Variants in BCL7C observed in about 807,000 individuals in gnomAD.
BCL7C encodes B-cell CLL/lymphoma 7 protein family member C.
A neutral mutation model predicts 26.2 loss-of-function variants in BCL7C; 8 were observed. The observed-to-expected ratio is 0.30, with a 90% CI of 0.18 to 0.55. The LOEUF (loss-of-function observed/expected upper bound fraction) is 0.55, where lower values mean the gene tolerates loss of function less well. Ranked by LOEUF, BCL7C falls within the 20% of genes least tolerant of loss-of-function variation. The pLI is 0.93. For missense variants in BCL7C, 262 were observed against 298.5 expected, an observed-to-expected ratio of 0.88 and a Z score of 0.90; for synonymous variants, 90 against 116.5, an observed-to-expected ratio of 0.77 and a Z score of 1.47.
At chr16:30,870,775 G>A (rs1241215451) in intron 5 of BCL7C, among the ~76,000 whole-genome samples, 3 of 152,218 alleles carry the variant, frequency 2.0e-5, no homozygotes, top group Non-Finnish European at 4.4e-5. Context: ...CCACAGCCAA[G>A]CATCACCTCC....
At chr16:30,835,420 T>A (rs943706638) in intron 5 of BCL7C, among the ~76,000 whole-genome samples, 1 of 152,212 alleles carries the variant, frequency 6.6e-6, no homozygotes, top group Non-Finnish European at 1.5e-5. Flanking sequence ...GCAAGCTACA[T>A]AACTTCCTGT....
At chr16:30,873,042 T>C (rs2054894524) in intron 5 of BCL7C, among the ~76,000 whole-genome samples, 1 of 151,964 alleles carries the variant, frequency 6.6e-6, no homozygotes, top group Admixed American at 6.6e-5. Context: ...TTACTTAATC[T>C]TGTTCTTTAA....
intron 5 of BCL7C, among the ~76,000 whole-genome samples, chr16:30,837,754 G>C (rs772588940): frequency 1.3e-5 from 2 of 152,218 alleles, no homozygotes; most frequent in African/African-American, 2.4e-5. Flanking sequence ...GGGGGTGGTA[G>C]CAGGAACAGA....
At position 30,887,899 on chromosome 16, in the gene BCL7C, A is replaced by G; in HGVS notation, c.620T>C (p.Leu207Pro). The G allele has an allele frequency of 6.2e-7, 1 of 1,600,914 alleles. No homozygotes were observed. The highest frequency in any genetic ancestry group is 8.5e-7 in the Non-Finnish European group (1 of 1,174,518). Residue 207 changes from leucine to proline, a missense_variant, in exon 6 of 6, where the codon CTC (leucine) becomes CCC (proline). Coordinates refer to ENST00000215115, the MANE Select transcript of BCL7C (RefSeq NM_004765.4). Reference sequence around the variant, plus strand: ...AGGGGCATTTGGGCAGATGCGCTTGAGTGGGGGGGCACCCTCCGAGTCCTC... The same window carrying G: ...AGGGGCATTTGGGCAGATGCGCTTGGGTGGGGGGGCACCCTCCGAGTCCTC... ...DTEDSEGAPP[L>P]KRICPNAPDP
At chr16:30,891,168 CAA>C (rs147478982) in intron 4 of BCL7C, among the ~76,000 whole-genome samples, 9 of 84,640 alleles carry the variant, frequency 1.1e-4, no homozygotes, top group Admixed American at 1.4e-4. Context: ...GACTTCATCT[CAA>C]AAAAAAAAAA....
At chr16:30,885,473 G>A (rs11859498), downstream of BCL7C, among the ~76,000 whole-genome samples, 3,495 of 150,724 alleles carry the variant, frequency 0.023, 123 homozygotes, top group African/African-American at 0.081. Context: ...ATAGTGGTGC[G>A]ATCTCGGCTT....
intron 5 of BCL7C, chr16:30,835,285 A>G: frequency 1.3e-6 from 1 of 779,230 alleles, no homozygotes; most frequent in South Asian, 2.2e-5. Context: ...TAAGCTGGGT[A>G]TTTTTGAGAG....
chr16:30,865,019 T>C (rs902612969), intron 5 of BCL7C, among the ~76,000 whole-genome samples: 54 of 151,508 alleles, frequency 3.6e-4, no homozygotes, highest in African/African-American at 1.3e-3. Flanking sequence ...ATACAAAAAG[T>C]TAGCCAGGCG....
At chr16:30,873,718 G>T (rs1448241119) in intron 5 of BCL7C, among the ~76,000 whole-genome samples, 1 of 151,328 alleles carries the variant, frequency 6.6e-6, no homozygotes, top group Admixed American at 6.6e-5. Flanking sequence ...AGGCATGGTA[G>T]CAGCAGCCTG....
At chr16:30,854,153 T>C (rs974200729) in intron 5 of BCL7C, among the ~76,000 whole-genome samples, 3 of 152,160 alleles carry the variant, frequency 2.0e-5, no homozygotes, top group South Asian at 2.1e-4. Flanking sequence ...CCATGATCCA[T>C]TGGTTGAAAC....
chr16:30,887,266 G>A (rs559377132), downstream of BCL7C, among the ~76,000 whole-genome samples: 27 of 152,004 alleles, frequency 1.8e-4, no homozygotes, highest in Non-Finnish European at 5.9e-5. Context: ...GCGAGATTGC[G>A]CCATTGCACT....
rs1198384282 is a variant in BCL7C, at chr16:30,893,266, G to T, written c.117C>A (p.Gly39=). Reference sequence around the variant, plus strand: ...ACTTGAAGATACGAAGGGAAGTGTCGCCCACAGTCACCCATCGCTTCTCCC... The same window carrying T: ...ACTTGAAGATACGAAGGGAAGTGTCTCCCACAGTCACCCATCGCTTCTCCC... ...RRWEKRWVTV[G]DTSLRIFKWV... The change falls in exon 2 of 6, where the codon GGC becomes GGA. Residue 39 remains glycine, a synonymous_variant. Coordinates refer to ENST00000215115, the MANE Select transcript of BCL7C (RefSeq NM_004765.4). The surrounding 1 kb of genome is among the most constrained non-coding windows in gnomAD (Gnocchi z 5.2). The T allele has an allele frequency of 1.5e-5, 24 of 1,613,492 alleles. No individual in the cohort carries two copies. Among genetic ancestry groups the T allele is most frequent in the Non-Finnish European group, 1.8e-5 (21 of 1,179,704 alleles).
At chr16:30,841,144 T>C (rs1227171034) in intron 5 of BCL7C, among the ~76,000 whole-genome samples, 2 of 152,172 alleles carry the variant, frequency 1.3e-5, no homozygotes, top group African/African-American at 4.8e-5. Flanking sequence ...GAAAGATGCC[T>C]GCCTGCACTT....
At chr16:30,869,134 G>T (rs540813513) in intron 5 of BCL7C, among the ~76,000 whole-genome samples, 6 of 152,172 alleles carry the variant, frequency 3.9e-5, no homozygotes, top group African/African-American at 1.4e-4. Context: ...GAAGACTGGG[G>T]CCAGAGTCGT....
At chr16:30,873,870 GAT>G (rs1232256114) in intron 5 of BCL7C, among the ~76,000 whole-genome samples, 1 of 142,470 alleles carries the variant, frequency 7.0e-6, no homozygotes, top group African/African-American at 2.6e-5. Flanking sequence ...AAATTGTACA[GAT>G]ATATATACAC....
intron 5 of BCL7C, among the ~76,000 whole-genome samples, chr16:30,861,157 T>C (rs1388570072): frequency 2.6e-5 from 4 of 152,098 alleles, no homozygotes; most frequent in Middle Eastern, 3.2e-3. Context: ...CAATAACCCT[T>C]AGACGCTCTA....
chr16:30,889,020 T>C (rs1303823600), intron 4 of BCL7C, 75 bp from the exon 5 acceptor site: 1 of 1,418,674 alleles, frequency 7.0e-7, no homozygotes, highest in Non-Finnish European at 1.0e-6. Context: ...GGGAAACAGA[T>C]GGTCACAGGC....
chr16:30,835,194 C>A, intron 5 of BCL7C: 1 of 1,409,690 alleles, frequency 7.1e-7, no homozygotes, highest in Non-Finnish European at 9.3e-7. Context: ...CTCTTCTCCC[C>A]ACCTCACTGA....
chr16:30,880,985 A>G (rs1351220772), intron 5 of BCL7C, among the ~76,000 whole-genome samples: 3 of 152,078 alleles, frequency 2.0e-5, no homozygotes, highest in East Asian at 3.8e-4. Flanking sequence ...ACCTGGCACT[A>G]TGCTTTTGTT....
Sources: allele counts gnomAD v4.1 joint callset (sites outside exome capture counted in the v4.1 genomes callset), GRCh38; gene constraint gnomAD v4.1.1; non-coding constraint Gnocchi (gnomAD v3.1); transcripts MANE v1.5; gene names NCBI Gene and HGNC (gene_info 2026-07-23, HGNC 2026-07-21).